Variants in R3HDM1 observed in about 807,000 individuals in gnomAD.
R3HDM1 encodes R3H domain containing 1.
R3HDM1 carries 46 observed loss-of-function variants against 141.1 expected under a neutral mutation model. That is an observed-to-expected ratio of 0.33 (90% CI 0.26 to 0.42). The LOEUF (loss-of-function observed/expected upper bound fraction) is 0.42, where lower values mean the gene tolerates loss of function less well. Among genes scored for constraint, R3HDM1 ranks in the 10% least tolerant of loss-of-function variants. The probability of loss-of-function intolerance (pLI) is 1.00; values close to 1 mark genes in which losing one functional copy is unlikely to be tolerated. For synonymous variants in R3HDM1, 435 were observed against 472.9 expected (o/e 0.92, Z 1.04); for missense variants, 1,184 against 1,368.3 (o/e 0.87, Z 2.12).
At chr2:135,610,213 G>C (rs1299979992) in intron 3 of R3HDM1, among the ~76,000 whole-genome samples, 1 of 152,028 alleles carries the variant, frequency 6.6e-6, no homozygotes, top group African/African-American at 2.4e-5. Flanking sequence ...GTTTGTCCAG[G>C]GATGTTCATC....
At chr2:135,616,353 C>A (rs182812027) in intron 4 of R3HDM1, among the ~76,000 whole-genome samples, 160 bp downstream of exon 4, 1 of 152,238 alleles carries the variant, frequency 6.6e-6, no homozygotes, top group Admixed American at 6.5e-5. Context: ...CTTGCCTAGT[C>A]GCTTTTGTGC....
intron 1 of R3HDM1, chr2:135,536,388 C>G (rs1323908569): frequency 3.9e-6 from 1 of 253,668 alleles, no homozygotes; most frequent in Non-Finnish European, 6.2e-6. Flanking sequence ...CGCAAGCAAT[C>G]CTCCTGCCTT....
At chr2:135,542,787 A>G (rs1435177934) in intron 1 of R3HDM1, among the ~76,000 whole-genome samples, 4 of 152,216 alleles carry the variant, frequency 2.6e-5, no homozygotes, top group Non-Finnish European at 5.9e-5. Flanking sequence ...AGCCCAGGCT[A>G]GAGTGCAGTG....
At chr2:135,604,525 G>A (rs1001817504) in intron 2 of R3HDM1, among the ~76,000 whole-genome samples, 13 of 152,142 alleles carry the variant, frequency 8.5e-5, no homozygotes, top group African/African-American at 3.1e-4. Flanking sequence ...TCTGCCTCCT[G>A]GACTCAAGCA....
At chr2:135,695,984 A>T (rs1298561166) in intron 21 of R3HDM1, among the ~76,000 whole-genome samples, 1 of 152,242 alleles carries the variant, frequency 6.6e-6, no homozygotes, top group African/African-American at 2.4e-5. Flanking sequence ...TAAATCAAGA[A>T]TTCTCAAACC....
chr2:135,570,522 T>C lies in R3HDM1; in HGVS notation c.-249-31978T>C, dbSNP rs144388259. 2.4e-3 allele frequency among the ~76,000 whole-genome samples: 370 copies of C among 152,360 alleles called. 3 individuals are homozygous for C. Among genetic ancestry groups the C allele is most frequent in the African/African-American group, 8.2e-3 (343 of 41,590 alleles). ...CTGAAAAGAGGAGAGAAAACTTGTT[T>C]ATATACTCAAAGGGAAAGAAGAACT... On this transcript the variant is annotated intron_variant, in intron 1 of 26. Transcript: ENST00000683871.
intron 18 of R3HDM1, among the ~76,000 whole-genome samples, chr2:135,652,455 C>T (rs937405490): frequency 6.6e-6 from 1 of 152,118 alleles, no homozygotes; most frequent in Non-Finnish European, 1.5e-5. Context: ...GGCAATGTAG[C>T]GAAACTTTTG....
chr2:135,651,117 T>C (rs926936863), intron 17 of R3HDM1: 2 of 985,276 alleles, frequency 2.0e-6, no homozygotes, highest in Non-Finnish European at 2.4e-6. Context: ...GAATTACATT[T>C]GTCAAATTAT....
Position 135,722,392 on chromosome 2 carries a change from G to T in R3HDM1, c.2965-77G>T, listed in dbSNP as rs2076781164. 5 of 1,462,700 alleles carry T rather than the reference G, an allele frequency of 3.4e-6. No individual in the cohort carries two copies. In the East Asian group the frequency reaches 1.2e-4, roughly 34 times the overall value. The allele number at this position is 1,462,700 out of a possible 1,614,324, so 90.6% of individuals were successfully genotyped here. ...CAAAACCCAAACTAAAGGTGTTTTG[G>T]TGTTAATTTGTTAAACATCCAAAGT... On this transcript the variant is annotated intron_variant, in intron 25 of 26. Transcript: ENST00000683871.
intron 21 of R3HDM1, among the ~76,000 whole-genome samples, chr2:135,685,378 A>G (rs1171440047): frequency 6.6e-6 from 1 of 152,114 alleles, no homozygotes; most frequent in Non-Finnish European, 1.5e-5. Flanking sequence ...ACACATACAC[A>G]CACTCAAATT....
At chr2:135,590,592 A>G (rs1390860136) in intron 1 of R3HDM1, 2 of 985,294 alleles carry the variant, frequency 2.0e-6, no homozygotes, top group East Asian at 1.1e-4. Context: ...GTGCAAAGCC[A>G]TAGGAAGTTG....
Position 135,699,045 on chromosome 2 carries a change from A to ATT in R3HDM1, c.2460-10388_2460-10387insTT, listed in dbSNP as rs202144929. On this transcript the variant is annotated intron_variant, in intron 21 of 26. Coordinates refer to ENST00000683871, the MANE Select transcript of R3HDM1 (RefSeq NM_001378107.1). ...TAGATAGATAGATAGATAGATAGAT[A>ATT]AGATAGATAAGATAGATTGATTAGA... Among the ~76,000 whole-genome samples, 817 of 129,790 alleles carry ATT rather than the reference A, an allele frequency of 6.3e-3. 16 individuals carry two copies. Among genetic ancestry groups the ATT allele is most frequent in the East Asian group, 0.035 (157 of 4,522 alleles). 85.1% of individuals were successfully genotyped at this position (129,790 alleles called of 152,430 possible).
intron 1 of R3HDM1, among the ~76,000 whole-genome samples, chr2:135,600,090 C>A (rs1289906148): frequency 7.1e-6 from 1 of 140,338 alleles, no homozygotes; most frequent in African/African-American, 2.6e-5. Flanking sequence ...GAGAAGAATA[C>A]AAAGTTCGTA....
chr2:135,646,180 G>A (rs1222889699), intron 16 of R3HDM1, among the ~76,000 whole-genome samples: 2 of 144,610 alleles, frequency 1.4e-5, no homozygotes, highest in Non-Finnish European at 3.0e-5. Context: ...CTGTCACCCC[G>A]GCTGGAGTGC....
chr2:135,584,531 A>G (rs1707453928), intron 1 of R3HDM1, among the ~76,000 whole-genome samples: 1 of 152,232 alleles, frequency 6.6e-6, no homozygotes, highest in Non-Finnish European at 1.5e-5. Flanking sequence ...CAAAAAGAAT[A>G]TTAAAAGATA....
At position 135,709,331 on chromosome 2, in the gene R3HDM1, C is replaced by G. The variant is rs997534734; in HGVS notation, c.2460-102C>G. 1.2e-5 allele frequency: 18 copies of G among 1,502,156 alleles called. No individual in the cohort carries two copies. The African/African-American group carries it at 2.4e-4, about 20-fold the overall frequency. 93.1% of individuals were successfully genotyped at this position (1,502,156 alleles called of 1,614,324 possible). On this transcript the variant is annotated intron_variant, in intron 21 of 26. Transcript: ENST00000683871. The stretch of plus-strand genomic sequence containing the variant: ...CTCGTGATCCGCCCGCCTTGGCCTC[C>G]CAAAGTGCTGGGATTACAGGCGTGA...
intron 1 of R3HDM1, among the ~76,000 whole-genome samples, chr2:135,589,268 G>A (rs1708667336): frequency 1.3e-5 from 2 of 152,146 alleles, no homozygotes; most frequent in South Asian, 2.1e-4. Context: ...AAAGAAAGAT[G>A]TATAAGATGA....
At chr2:135,631,828 GACTT>G (rs1406704109) in intron 8 of R3HDM1, 29 bp from the exon 9 acceptor site, 1 of 1,594,704 alleles carries the variant, frequency 6.3e-7, no homozygotes, top group Non-Finnish European at 8.5e-7. Flanking sequence ...CATTCTCCTT[GACTT>G]ACTAAGTTGG....
chr2:135,607,351 T>C, intron 3 of R3HDM1: 1 of 982,338 alleles, frequency 1.0e-6, no homozygotes, highest in Non-Finnish European at 1.2e-6. Context: ...TTTTTTCCTA[T>C]TATGTACCAG....
Sources: gnomAD v4.1 joint callset for allele counts (sites outside exome capture counted in the v4.1 genomes callset) on GRCh38, gnomAD v4.1.1 for gene constraint, MANE v1.5 for transcripts, NCBI Gene and HGNC (gene_info 2026-07-23, HGNC 2026-07-21) for gene names.